EDA: variants seen among roughly 807,000 people sequenced by gnomAD.
EDA encodes ectodysplasin A.
EDA carries 2 observed loss-of-function variants against 23.6 expected under a neutral mutation model. The observed-to-expected ratio is 0.08, with a 90% CI of 0.03 to 0.27. The LOEUF (loss-of-function observed/expected upper bound fraction) is 0.27, where lower values mean the gene tolerates loss of function less well. EDA is among the 10% of genes least tolerant of loss of function. EDA has a pLI of 1.00. For missense variants in EDA, 229 were observed against 324.2 expected (o/e 0.71, Z 2.26); for synonymous variants, 131 against 132.0 (o/e 0.99, Z 0.05).
intron 1 of EDA, chrX:69,616,985 C>G (rs1296680029): frequency 3.5e-5 from 15 of 425,990 alleles, no homozygotes; most frequent in East Asian, 2.3e-4. Flanking sequence ...GCGACGCTCC[C>G]GTCGAGGAGG....
chrX:69,746,317 A>G (rs2147380802), intron 1 of EDA, among the ~76,000 whole-genome samples: 1 of 111,679 alleles, frequency 9.0e-6, no homozygotes, highest in South Asian at 3.7e-4. Flanking sequence ...GTGAAATCAT[A>G]CTCAAATTTT....
intron 1 of EDA, among the ~76,000 whole-genome samples, chrX:69,723,952 C>A (rs766632096): frequency 5.2e-4 from 58 of 111,744 alleles, no homozygotes; most frequent in African/African-American, 1.9e-3. Context: ...CTAACTCTAA[C>A]CTTTGAGTGT....
chrX:69,710,769 C>T (rs1188092876), intron 1 of EDA, among the ~76,000 whole-genome samples: 2 of 111,323 alleles, frequency 1.8e-5, no homozygotes, highest in Non-Finnish European at 3.8e-5. Flanking sequence ...AATGGGAGTT[C>T]ACTCATGATT....
At chrX:70,012,979 G>T (rs1024119639) in intron 2 of EDA, among the ~76,000 whole-genome samples, 2 of 111,611 alleles carry the variant, frequency 1.8e-5, no homozygotes, top group Non-Finnish European at 3.8e-5. Context: ...GAGAGAGCAA[G>T]GTGATTAAGG....
At chrX:69,627,599 T>G (rs917588026) in intron 1 of EDA, among the ~76,000 whole-genome samples, 7 of 111,656 alleles carry the variant, frequency 6.3e-5, no homozygotes, top group Non-Finnish European at 9.4e-5. Context: ...CTCATCTCCA[T>G]TTGAGAACGT....
At chrX:69,932,593 C>T (rs2018613742) in intron 1 of EDA, among the ~76,000 whole-genome samples, 1 of 111,980 alleles carries the variant, frequency 8.9e-6, no homozygotes, top group Non-Finnish European at 1.9e-5. Context: ...AGGAAGATTT[C>T]TGTTCCAAGG....
chrX:69,878,744 A>ACG (rs1177746520), intron 1 of EDA, among the ~76,000 whole-genome samples: 8 of 100,682 alleles, frequency 7.9e-5, no homozygotes, highest in African/African-American at 3.0e-4. Flanking sequence ...ACACACACAC[A>ACG]CACACCGCAA....
chrX:69,633,704 A>G (rs977254286), intron 1 of EDA, among the ~76,000 whole-genome samples: 2 of 112,541 alleles, frequency 1.8e-5, no homozygotes, highest in Admixed American at 1.9e-4. Flanking sequence ...TCCCTTTTAC[A>G]GGTGAATAAA....
At chrX:69,868,652 C>T (rs1004261111) in intron 1 of EDA, among the ~76,000 whole-genome samples, 4 of 112,130 alleles carry the variant, frequency 3.6e-5, no homozygotes, top group African/African-American at 1.3e-4. Flanking sequence ...ATCAGGGTCT[C>T]TCCAAATAAG....
intron 1 of EDA, among the ~76,000 whole-genome samples, chrX:69,773,128 T>C (rs1185875569): frequency 8.9e-6 from 1 of 112,218 alleles, no homozygotes; most frequent in East Asian, 2.8e-4. Context: ...AATAAATTTG[T>C]CAATGATAGA....
intron 1 of EDA, among the ~76,000 whole-genome samples, chrX:69,735,930 A>G (rs940458183): frequency 2.7e-5 from 3 of 110,719 alleles, no homozygotes; most frequent in Non-Finnish European, 5.7e-5. Flanking sequence ...CAGGGTTTCT[A>G]TTAGGATTGT....
intron 1 of EDA, among the ~76,000 whole-genome samples, chrX:69,884,606 T>C (rs2017800799): frequency 8.9e-6 from 1 of 112,530 alleles, no homozygotes; most frequent in Non-Finnish European, 1.9e-5. Context: ...ATTGCCTTCT[T>C]TTACTTAACA....
chrX:69,884,512 A>G (rs2017799307), intron 1 of EDA, among the ~76,000 whole-genome samples: 1 of 112,489 alleles, frequency 8.9e-6, no homozygotes, highest in African/African-American at 3.2e-5. Flanking sequence ...GTAAAAGTGG[A>G]AATGTTTCTA....
chrX:69,653,205 T>A (rs1029733866), intron 1 of EDA, among the ~76,000 whole-genome samples: 1 of 111,574 alleles, frequency 9.0e-6, no homozygotes, highest in Non-Finnish European at 1.9e-5. Context: ...CCCTTGTAAG[T>A]TGGATTCCTA....
chrX:69,700,647 G>A (rs886949935), intron 1 of EDA, among the ~76,000 whole-genome samples: 26 of 111,298 alleles, frequency 2.3e-4, no homozygotes, highest in African/African-American at 8.5e-4. Flanking sequence ...TGGGGGATGG[G>A]ATACTGCTTC....
chrX:70,024,080 G>A (rs1040171802), intron 3 of EDA, among the ~76,000 whole-genome samples: 3 of 112,743 alleles, frequency 2.7e-5, no homozygotes, highest in African/African-American at 9.7e-5. Context: ...TATGAAACTA[G>A]TTAAAGCACC....
At chrX:69,736,047 C>G (rs1450803767) in intron 1 of EDA, among the ~76,000 whole-genome samples, 3 of 109,278 alleles carry the variant, frequency 2.7e-5, no homozygotes, top group African/African-American at 1.0e-4. Context: ...TGGCTCATGC[C>G]TATAATCCCA....
intron 1 of EDA, among the ~76,000 whole-genome samples, chrX:69,765,006 G>C (rs2014428566): frequency 8.9e-6 from 1 of 112,169 alleles, no homozygotes; most frequent in Non-Finnish European, 1.9e-5. Context: ...TCAGAGATTA[G>C]TGCTTTGGAA....
At chrX:69,645,584 T>TTTTATATATATATATATATATATATA (rs1555976075) in intron 1 of EDA, among the ~76,000 whole-genome samples, 1 of 54,371 alleles carries the variant, frequency 1.8e-5, no homozygotes, top group African/African-American at 1.1e-4. Flanking sequence ...TCTAGTTCTT[T>TTTTATATATATATATATATATATATA]TATATATATG....
Sources: allele counts gnomAD v4.1 joint callset (sites outside exome capture counted in the v4.1 genomes callset), GRCh38; gene constraint gnomAD v4.1.1; transcripts MANE v1.5; gene names NCBI Gene and HGNC (gene_info 2026-07-23, HGNC 2026-07-21).